The following PATJ variants were observed in gnomAD, a reference collection of about 807,000 sequenced individuals.
PATJ encodes PATJ crumbs cell polarity complex component.
Under a neutral mutation model 224.9 loss-of-function variants are expected in PATJ, and 190 were observed. The observed-to-expected ratio is 0.84, with a 90% CI of 0.75 to 0.95. PATJ has a LOEUF of 0.95. Ranked by LOEUF, PATJ falls within the 40% of genes least tolerant of loss-of-function variation. The pLI is 0.00. For missense variants in PATJ, 2,121 were observed against 2,270.3 expected (o/e 0.93, Z 1.34); for synonymous variants, 769 against 820.3 (o/e 0.94, Z 1.07).
At chr1:61,996,729 T>C (rs540424721) in intron 28 of PATJ, among the ~76,000 whole-genome samples, 15 of 110,328 alleles carry the variant, frequency 1.4e-4, no homozygotes, top group African/African-American at 5.1e-4. Context: ...GGTTCTTTTT[T>C]TCTTTTCTTT....
intron 34 of PATJ, among the ~76,000 whole-genome samples, chr1:62,109,101 A>G (rs1326563927): frequency 6.6e-6 from 1 of 152,172 alleles, no homozygotes; most frequent in Admixed American, 6.5e-5. Flanking sequence ...AAAAAGTACC[A>G]AAGCAGGCAA....
Position 62,116,623 on chromosome 1 carries a change from G to A in PATJ, c.4747G>A (p.Val1583Met). 1 of 1,613,984 alleles carries A rather than the reference G, an allele frequency of 6.2e-7. No homozygotes were observed. The highest frequency in any genetic ancestry group is 8.5e-7 in the Non-Finnish European group (1 of 1,179,956). Residue 1583 changes from valine to methionine, a missense_variant, in exon 36 of 44, where the codon GTG becomes ATG. Transcript: ENST00000642238. Reference protein sequence around the residue: ...RLIQGDQILSVNGEDMRNASQ... With the variant: ...RLIQGDQILSMNGEDMRNASQ... ...GATTCAGGGAGATCAGATCTTATCT[G>A]TGAATGGGGAGGACATGAGAAATGC...
intron 17 of PATJ, among the ~76,000 whole-genome samples, chr1:61,855,571 C>T (rs1017194803): frequency 2.0e-5 from 3 of 152,122 alleles, no homozygotes; most frequent in African/African-American, 7.2e-5. Context: ...CACACTACCA[C>T]ACCTGGCTAA....
In PATJ at chr1:61,927,792, C is replaced by G; in HGVS notation, c.3633C>G (p.Asp1211Glu). The G allele has an allele frequency of 6.2e-7, 1 of 1,613,296 alleles. No homozygotes were observed. Among genetic ancestry groups the G allele is most frequent in the Non-Finnish European group, 8.5e-7 (1 of 1,179,652 alleles). Residue 1211 changes from aspartate (D) to glutamate (E), a missense_variant, in exon 27 of 44, where the codon GAC becomes GAG. By Grantham distance (45) the Asp-to-Glu change is conservative. Coordinates refer to ENST00000642238, the MANE Select transcript of PATJ (RefSeq NM_001350145.3). ...CTCCTTATAAAGCTCTGACTGATGA[C>G]AGTGATGAAAATGAAGAAGAAGATG... ...LPPPYKALTD[D>E]SDENEEEDAF...
intron 11 of PATJ, among the ~76,000 whole-genome samples, chr1:61,797,651 T>G (rs370858842): frequency 6.6e-6 from 1 of 152,266 alleles, no homozygotes; most frequent in African/African-American, 2.4e-5. Flanking sequence ...CACTAAGCTC[T>G]GAGAGCATCT....
intron 31 of PATJ, among the ~76,000 whole-genome samples, chr1:62,072,026 C>A (rs1226670770): frequency 6.6e-6 from 1 of 151,990 alleles, no homozygotes; most frequent in African/African-American, 2.4e-5. Context: ...GAATTTATGC[C>A]TTAAAGTAAA....
intron 28 of PATJ, among the ~76,000 whole-genome samples, chr1:61,998,347 G>A (rs569967583): frequency 1.3e-5 from 2 of 151,780 alleles, no homozygotes; most frequent in Non-Finnish European, 2.9e-5. Flanking sequence ...GCCTCCCAAA[G>A]TGCTGGGATT....
chr1:61,842,790 A>C (rs980023259), intron 17 of PATJ, among the ~76,000 whole-genome samples: 8 of 52,642 alleles, frequency 1.5e-4, no homozygotes, highest in Non-Finnish European at 3.6e-4. Flanking sequence ...AGGAACAGTT[A>C]ATCGAAAGAA....
At chr1:61,939,358 A>ACG (rs1677423875) in intron 27 of PATJ, among the ~76,000 whole-genome samples, 1 of 2,974 alleles carries the variant, frequency 3.4e-4, no homozygotes, top group African/African-American at 1.8e-3. Flanking sequence ...CAGAAGAAAG[A>ACG]CACACACACA....
intron 31 of PATJ, among the ~76,000 whole-genome samples, chr1:62,053,310 T>G (rs1158408911): frequency 6.6e-6 from 1 of 152,252 alleles, no homozygotes; most frequent in Non-Finnish European, 1.5e-5. Flanking sequence ...GTTCTGGAGT[T>G]TCTTAATCAC....
At chr1:61,764,009 G>T (rs60122578) in intron 3 of PATJ, among the ~76,000 whole-genome samples, 40,937 of 133,932 alleles carry the variant, frequency 0.31, 5,840 homozygotes, top group South Asian at 0.49. Context: ...CTTTTTTTTT[G>T]TGTGTGTGTG....
At chr1:61,892,578 T>C (rs553918196) in intron 22 of PATJ, among the ~76,000 whole-genome samples, 3 of 152,152 alleles carry the variant, frequency 2.0e-5, no homozygotes, top group Non-Finnish European at 4.4e-5. Flanking sequence ...ATTGTTTCAA[T>C]TGGATGGTTA....
At chr1:61,962,086 ACTCT>A (rs905860383) in intron 27 of PATJ, among the ~76,000 whole-genome samples, 5 of 151,594 alleles carry the variant, frequency 3.3e-5, no homozygotes, top group African/African-American at 1.2e-4. Context: ...ACCTTTCCTG[ACTCT>A]CTCAGTTAGA....
intron 29 of PATJ, among the ~76,000 whole-genome samples, chr1:62,035,615 A>T (rs10128043): frequency 2.3e-4 from 29 of 124,270 alleles, no homozygotes; most frequent in South Asian, 7.5e-4. Flanking sequence ...CCATTCATTC[A>T]TTTTTTTTTT....
intron 42 of PATJ, among the ~76,000 whole-genome samples, chr1:62,151,850 A>G (rs1205362337): frequency 1.3e-5 from 2 of 152,212 alleles, no homozygotes; most frequent in Non-Finnish European, 1.5e-5. Flanking sequence ...CTTTTGAGCA[A>G]TAGCATTTGG....
chr1:61,978,257 T>G (rs1571616061), intron 27 of PATJ, among the ~76,000 whole-genome samples: 2 of 119,732 alleles, frequency 1.7e-5, no homozygotes, highest in African/African-American at 2.9e-5. Flanking sequence ...CCTTCCTTCC[T>G]TTATTCTTTC....
intron 43 of PATJ, among the ~76,000 whole-genome samples, chr1:62,157,021 C>A (rs1669294658): frequency 6.6e-6 from 1 of 151,042 alleles, no homozygotes; most frequent in Admixed American, 6.6e-5. Context: ...TATCAGAATT[C>A]ATTTTAGAAA....
intron 7 of PATJ, among the ~76,000 whole-genome samples, chr1:61,776,244 G>A (rs984267803): frequency 1.3e-5 from 2 of 152,180 alleles, no homozygotes; most frequent in Non-Finnish European, 2.9e-5. Flanking sequence ...TGGGCCTCTG[G>A]AGGGCTCTGA....
Position 61,797,408 on chromosome 1 carries a change from T to A in PATJ, c.1382T>A (p.Leu461His). The A allele has an allele frequency of 6.2e-7, 1 of 1,613,716 alleles. No homozygotes were observed. The highest frequency in any genetic ancestry group is 8.5e-7 in the Non-Finnish European group (1 of 1,179,672). ...RRKTSSSTSPLEPPSDRGTVV... is the reference protein window; with the variant it reads ...RRKTSSSTSPHEPPSDRGTVV... ...AAGACATCCTCATCTACTTCTCCAC[T>A]TGAACCACCTTCAGACAGAGGTGAT... The change falls in exon 11 of 44, where the codon CTT becomes CAT. Residue 461 changes from leucine (L) to histidine (H), a missense_variant. By Grantham distance (99) the Leu-to-His change is moderately conservative. Transcript: ENST00000642238.
Sources: gnomAD v4.1 joint callset for allele counts (sites outside exome capture counted in the v4.1 genomes callset) on GRCh38, gnomAD v4.1.1 for gene constraint, MANE v1.5 for transcripts, NCBI Gene and HGNC (gene_info 2026-07-23, HGNC 2026-07-21) for gene names.